The following PDE4D variants were observed in gnomAD, a reference collection of about 807,000 sequenced individuals.
The protein encoded by PDE4D is 3',5'-cyclic-AMP phosphodiesterase 4D.
In PDE4D, 24 loss-of-function variants were observed where a neutral mutation model predicts 87.4. The observed-to-expected ratio is 0.27, with a 90% CI of 0.20 to 0.39. The LOEUF (loss-of-function observed/expected upper bound fraction) is 0.39, where lower values mean the gene tolerates loss of function less well. Ranked by LOEUF, PDE4D falls within the 10% of genes least tolerant of loss-of-function variation. The probability of loss-of-function intolerance (pLI) is 1.00; values close to 1 mark genes in which losing one functional copy is unlikely to be tolerated. For synonymous variants in PDE4D, 384 were observed against 383.2 expected (o/e 1.00, Z -0.02); for missense variants, 714 against 1,041.0 (o/e 0.69, Z 4.32).
Position 59,800,778 on chromosome 5 carries a change from A to T in PDE4D, c.455+92390T>A, listed in dbSNP as rs551189726. 3.9e-5 allele frequency among the ~76,000 whole-genome samples: 6 copies of T among 152,166 alleles called. No individual in the cohort carries two copies. In the South Asian group the frequency reaches 1.0e-3, roughly 26 times the overall value. ...CTGTTTGAGCCTAGGTTAGTCACTT[A>T]ACCTTTCTAAGACTCACTTTCTAAA... is the stretch of plus-strand genomic sequence containing the variant. On this transcript the variant is annotated intron_variant, in intron 1 of 14. Transcript: ENST00000340635.
intron 1 of PDE4D, among the ~76,000 whole-genome samples, chr5:60,274,199 A>C (rs1033560280): frequency 6.6e-6 from 1 of 152,186 alleles, no homozygotes; most frequent in Non-Finnish European, 1.5e-5. Flanking sequence ...ATGAAGTTAA[A>C]AAGCAGGGTG....
chr5:60,071,778 T>A (rs757033209), intron 2 of PDE4D, among the ~76,000 whole-genome samples: 2 of 152,168 alleles, frequency 1.3e-5, no homozygotes, highest in Non-Finnish European at 2.9e-5. Context: ...GTATTTCATT[T>A]TCTGTTCCTG....
chr5:60,262,654 G>A (rs1265439151), intron 1 of PDE4D: 1 of 152,148 alleles, frequency 6.6e-6, no homozygotes, highest in Non-Finnish European at 1.5e-5. Context: ...ATGAGACTAA[G>A]ATCTCCATTT....
intron 1 of PDE4D, among the ~76,000 whole-genome samples, chr5:59,624,391 C>A (rs1830666964): frequency 1.3e-5 from 2 of 152,146 alleles, no homozygotes; most frequent in Admixed American, 1.3e-4. Flanking sequence ...AAGATCTTCT[C>A]CCGAATTTGT....
At chr5:59,840,067 T>A (rs1206355042) in intron 1 of PDE4D, among the ~76,000 whole-genome samples, 1 of 152,000 alleles carries the variant, frequency 6.6e-6, no homozygotes, top group Admixed American at 6.6e-5. Context: ...AGCATCTTTT[T>A]TTTCCTGGCT....
intron 1 of PDE4D, among the ~76,000 whole-genome samples, chr5:59,485,905 A>ATCC (rs1451600462): frequency 6.6e-6 from 1 of 152,040 alleles, no homozygotes; most frequent in East Asian, 1.9e-4. Context: ...TTTTGTGAAA[A>ATCC]TCCTATTCTC....
At chr5:59,273,637 TATAG>T (rs1256240689) in intron 1 of PDE4D, among the ~76,000 whole-genome samples, 18 of 152,204 alleles carry the variant, frequency 1.2e-4, no homozygotes, top group African/African-American at 4.1e-4. Context: ...ATCATGCATA[TATAG>T]AGAGAGATTT....
chr5:60,151,639 T>C (rs563176573), intron 2 of PDE4D, among the ~76,000 whole-genome samples: 122 of 152,324 alleles, frequency 8.0e-4, no homozygotes, highest in Non-Finnish European at 3.1e-4. Flanking sequence ...TTTCAACAGA[T>C]TTTTGTAGAA....
chr5:59,221,236 AT>A (rs1321293568), intron 1 of PDE4D, among the ~76,000 whole-genome samples: 2 of 152,174 alleles, frequency 1.3e-5, no homozygotes, highest in Admixed American at 6.5e-5. Flanking sequence ...ATTTAAAAAA[AT>A]ACAAGAATAC....
upstream of PDE4D, among the ~76,000 whole-genome samples, chr5:59,898,162 A>C (rs113643639): frequency 2.2e-4 from 34 of 152,342 alleles, 1 homozygote; most frequent in African/African-American, 7.7e-4. Context: ...CTAGCACACT[A>C]ATGCAAATTT....
At chr5:59,670,221 T>C (rs1189017073) in intron 1 of PDE4D, among the ~76,000 whole-genome samples, 2 of 152,212 alleles carry the variant, frequency 1.3e-5, no homozygotes, top group African/African-American at 4.8e-5. Context: ...TTAATACATA[T>C]AAAATGTTTA....
At position 58,971,495 on chromosome 5, in the gene PDE4D, G is replaced by T. The variant is rs1742590290; in HGVS notation, c.*3169C>A. 6.6e-6 allele frequency: 1 copy of T among 152,394 alleles called. No individual in the cohort carries two copies. The highest frequency in any genetic ancestry group is 2.4e-5 in the African/African-American group (1 of 41,394). 9.4% of individuals were successfully genotyped at this position (152,394 alleles called of 1,614,324 possible). Reference sequence around the variant, plus strand: ...TACATGGTTGTAAACAGACAAACAAGACTGTATTACAGGTAAGGTCATTTG... The same window carrying T: ...TACATGGTTGTAAACAGACAAACAATACTGTATTACAGGTAAGGTCATTTG... On this transcript the variant is annotated 3_prime_UTR_variant, in exon 15 of 15. Coordinates refer to ENST00000340635, the MANE Select transcript of PDE4D (RefSeq NM_001104631.2).
intron 1 of PDE4D, among the ~76,000 whole-genome samples, chr5:59,518,332 C>T (rs555498984): frequency 1.3e-5 from 2 of 151,912 alleles, no homozygotes; most frequent in Admixed American, 6.6e-5. Flanking sequence ...AAAGCACGCT[C>T]GAGTATTTTT....
Position 60,118,139 on chromosome 5 carries a change from T to A in PDE4D, c.42+67418A>T, listed in dbSNP as rs150385568. Among the ~76,000 whole-genome samples the A allele has an allele frequency of 1.2e-3, 183 of 152,294 alleles. 1 individual carries two copies. The highest frequency in any genetic ancestry group is 4.0e-3 in the African/African-American group (168 of 41,578). On this transcript the variant is annotated intron_variant, in intron 2 of 16. Transcript: ENST00000502484. ...TCAGCTCTGTTGACTGTCTTTTCTC[T>A]ATTTTCTAAAAGTGAGCATTACCCA...
chr5:60,072,665 T>C (rs1446505395), intron 2 of PDE4D, among the ~76,000 whole-genome samples: 3 of 152,130 alleles, frequency 2.0e-5, no homozygotes, highest in South Asian at 4.1e-4. Flanking sequence ...CTCTAACCCA[T>C]CTTGAGTTAA....
At chr5:60,262,107 C>A (rs558607349) in intron 1 of PDE4D, among the ~76,000 whole-genome samples, 4 of 152,196 alleles carry the variant, frequency 2.6e-5, no homozygotes, top group African/African-American at 9.6e-5. Flanking sequence ...ACCCTCACCA[C>A]CCACAAAGCC....
chr5:59,032,062 G>A (rs1757651912), intron 6 of PDE4D, among the ~76,000 whole-genome samples: 1 of 152,072 alleles, frequency 6.6e-6, no homozygotes, highest in Admixed American at 6.5e-5. Context: ...CGTATTATAT[G>A]TTTTACAATT....
At chr5:59,610,756 A>G (rs1374632671) in intron 1 of PDE4D, among the ~76,000 whole-genome samples, 5 of 152,144 alleles carry the variant, frequency 3.3e-5, no homozygotes, top group Admixed American at 3.3e-4. Context: ...AACGAGGGGG[A>G]AAAGGAGACT....
chr5:59,529,247 C>A, intron 1 of PDE4D: 1 of 469,530 alleles, frequency 2.1e-6, no homozygotes, highest in South Asian at 1.7e-5. Context: ...TTTAACATCT[C>A]ATATTAAGTC....
Sources: gnomAD v4.1 joint callset for allele counts (sites outside exome capture counted in the v4.1 genomes callset) on GRCh38, gnomAD v4.1.1 for gene constraint, MANE v1.5 for transcripts, NCBI Gene and HGNC (gene_info 2026-07-23, HGNC 2026-07-21) for gene names.